Variants in AGBL4 observed in about 807,000 individuals in gnomAD.
AGBL4 encodes cytosolic carboxypeptidase 6.
In AGBL4, 58 loss-of-function variants were observed where a neutral mutation model predicts 66.4. The ratio of observed to expected loss-of-function variants is 0.87; its 90% CI spans 0.71 to 1.09. AGBL4 has a LOEUF of 1.09. Ranked by LOEUF, AGBL4 falls within the 50% of genes least tolerant of loss-of-function variation. The probability of loss-of-function intolerance (pLI) is 0.00; values close to 1 mark genes in which losing one functional copy is unlikely to be tolerated. For missense variants in AGBL4, 579 were observed against 631.0 expected (o/e 0.92, Z 0.88); for synonymous variants, 234 against 222.9 (o/e 1.05, Z -0.44).
intron 5 of AGBL4, among the ~76,000 whole-genome samples, chr1:48,940,151 G>A (rs905717745): frequency 6.6e-6 from 1 of 152,172 alleles, no homozygotes; most frequent in Admixed American, 6.5e-5. Flanking sequence ...AGGCCCGGGT[G>A]GGCAGATCAC....
In AGBL4 at chr1:48,533,465, C is replaced by T. The variant is rs191903180; in HGVS notation, c.*708G>A. ...ATCCCTGTCACCTGGGATCTGGAGA[C>T]CTTAACCATAATAAACCTTTTAAAA... On this transcript the variant is annotated 3_prime_UTR_variant, in exon 14 of 14. Coordinates refer to ENST00000371839, the MANE Select transcript of AGBL4 (RefSeq NM_032785.4). 1.3e-5 allele frequency: 2 copies of T among 152,480 alleles called. No individual in the cohort carries two copies. The highest frequency in any genetic ancestry group is 2.4e-5 in the African/African-American group (1 of 41,538). 9.4% of individuals were successfully genotyped at this position (152,480 alleles called of 1,614,324 possible).
intron 2 of AGBL4, among the ~76,000 whole-genome samples, chr1:49,727,069 A>G (rs1649086575): frequency 6.6e-6 from 1 of 152,154 alleles, no homozygotes; most frequent in Non-Finnish European, 1.5e-5. Context: ...GAGGAAGTGG[A>G]TAAATTATTA....
At chr1:48,893,895 C>T (rs913200190) in intron 5 of AGBL4, among the ~76,000 whole-genome samples, 3 of 151,980 alleles carry the variant, frequency 2.0e-5, no homozygotes, top group Admixed American at 2.0e-4. Context: ...TACAAGCCAC[C>T]CAGTTTATGG....
chr1:48,612,419 C>A (rs1381199823), intron 9 of AGBL4, among the ~76,000 whole-genome samples: 1 of 152,162 alleles, frequency 6.6e-6, no homozygotes, highest in Non-Finnish European at 1.5e-5. Flanking sequence ...ATGGCTGGGG[C>A]AGAGAAGGCA....
Position 48,867,230 on chromosome 1 carries a change from G to T in AGBL4, c.595C>A (p.Gln199Lys). ...FFREQLGQSV[Q>K]QRKLDLLTIT... ...GTCAGGAGGTCAAGCTTTCGTTGTTGCTGCAAAAGAAAACACACTGTGAGG... is the reference window on the plus strand; with the variant it reads ...GTCAGGAGGTCAAGCTTTCGTTGTTTCTGCAAAAGAAAACACACTGTGAGG... The change falls in exon 6 of 14, where the codon CAA becomes AAA. Residue 199 changes from glutamine (Q) to lysine (K), a missense_variant and splice_region_variant. Transcript: ENST00000371839. The T allele has an allele frequency of 6.2e-7, 1 of 1,613,436 alleles. No individual in the cohort carries two copies. Among genetic ancestry groups the T allele is most frequent in the South Asian group, 1.1e-5 (1 of 90,892 alleles).
chr1:49,556,966 G>T (rs1444044904), intron 3 of AGBL4, among the ~76,000 whole-genome samples: 1 of 152,110 alleles, frequency 6.6e-6, no homozygotes, highest in Non-Finnish European at 1.5e-5. Context: ...CTCACTGCCT[G>T]GGGCCGGCGG....
rs186118566 is a variant in AGBL4 at position 49,961,343 on chromosome 1, T to C, written c.34+62420A>G. The stretch of plus-strand genomic sequence containing the variant: ...GGGCAACATAGTGAGACACCATCTC[T>C]ACAAAAAATAAATTATCTGAGTTTA... On this transcript the variant is annotated intron_variant, in intron 1 of 13. Transcript: ENST00000371839. Among the ~76,000 whole-genome samples, 261 of 152,106 alleles carry C rather than the reference T, an allele frequency of 1.7e-3. 1 individual carries two copies. Among genetic ancestry groups the C allele is most frequent in the Middle Eastern group, 6.8e-3 (2 of 294 alleles).
At chr1:49,281,725 G>A (rs1644276661) in intron 3 of AGBL4, among the ~76,000 whole-genome samples, 1 of 152,160 alleles carries the variant, frequency 6.6e-6, no homozygotes, top group African/African-American at 2.4e-5. Context: ...GGCCAATAAT[G>A]AAGCATCCAA....
chr1:48,915,250 A>G (rs1557456879), intron 5 of AGBL4, among the ~76,000 whole-genome samples: 1 of 152,126 alleles, frequency 6.6e-6, no homozygotes, highest in South Asian at 2.1e-4. Context: ...GGAACATGCT[A>G]TGGCTTTTTG....
intron 1 of AGBL4, among the ~76,000 whole-genome samples, chr1:49,882,709 G>A (rs1291966036): frequency 6.6e-6 from 1 of 152,156 alleles, no homozygotes; most frequent in Non-Finnish European, 1.5e-5. Flanking sequence ...TGGTGTATAG[G>A]AATGCTTGTG....
At chr1:49,639,979 C>T (rs1051452921) in intron 3 of AGBL4, among the ~76,000 whole-genome samples, 1 of 152,004 alleles carries the variant, frequency 6.6e-6, no homozygotes, top group African/African-American at 2.4e-5. Context: ...TTTTCTATGA[C>T]TGAAGAATGA....
chr1:49,443,270 T>C (rs529344866), intron 3 of AGBL4, among the ~76,000 whole-genome samples: 63 of 152,264 alleles, frequency 4.1e-4, no homozygotes, highest in African/African-American at 1.5e-3. Flanking sequence ...CTTTTTAATA[T>C]AATTAAGTCA....
chr1:48,952,799 A>G (rs1194016854), intron 5 of AGBL4, among the ~76,000 whole-genome samples: 1 of 152,196 alleles, frequency 6.6e-6, no homozygotes, highest in Non-Finnish European at 1.5e-5. Context: ...AGTCCAAGAT[A>G]GCTTTGAATG....
intron 3 of AGBL4, among the ~76,000 whole-genome samples, chr1:49,384,593 A>AAAAC (rs1271672639): frequency 6.6e-5 from 10 of 152,100 alleles, no homozygotes; most frequent in Non-Finnish European, 1.2e-4. Flanking sequence ...ACTCCATCTA[A>AAAAC]AAACAAACAA....
intron 1 of AGBL4, among the ~76,000 whole-genome samples, chr1:49,999,473 T>C (rs1572035971): frequency 6.6e-6 from 1 of 152,074 alleles, no homozygotes; most frequent in Non-Finnish European, 1.5e-5. Flanking sequence ...CATGGATGCA[T>C]AGAATCAATA....
intron 2 of AGBL4, among the ~76,000 whole-genome samples, chr1:49,790,205 A>G (rs1439041816): frequency 6.6e-6 from 1 of 151,976 alleles, no homozygotes; most frequent in African/African-American, 2.4e-5. Context: ...CCCTACTAAA[A>G]ATACAAAAAT....
intron 11 of AGBL4, among the ~76,000 whole-genome samples, chr1:48,572,400 A>T (rs78906436): frequency 2.6e-5 from 4 of 151,588 alleles, no homozygotes; most frequent in Non-Finnish European, 5.9e-5. Context: ...TGAGAGAGGG[A>T]GCTAAGGCGG....
At chr1:48,613,978 T>C (rs1645280058) in intron 9 of AGBL4, among the ~76,000 whole-genome samples, 1 of 152,228 alleles carries the variant, frequency 6.6e-6, no homozygotes, top group Non-Finnish European at 1.5e-5. Context: ...GGCATTTTAA[T>C]TTTAACTACT....
intron 4 of AGBL4, among the ~76,000 whole-genome samples, chr1:49,213,776 G>A (rs1648860880): frequency 6.6e-6 from 1 of 152,034 alleles, no homozygotes; most frequent in Non-Finnish European, 1.5e-5. Context: ...ATCCGGGCAG[G>A]CCAGCTTATA....
Sources: allele counts gnomAD v4.1 joint callset (sites outside exome capture counted in the v4.1 genomes callset), GRCh38; gene constraint gnomAD v4.1.1; transcripts MANE v1.5; gene names NCBI Gene and HGNC (gene_info 2026-07-23, HGNC 2026-07-21).